SLC30A8: variants seen among roughly 807,000 people sequenced by gnomAD.
SLC30A8 encodes solute carrier family 30 member 8.
In SLC30A8, 27 loss-of-function variants were observed where a neutral mutation model predicts 36.9. The observed-to-expected ratio is 0.73, with a 90% CI of 0.54 to 1.01. The LOEUF (loss-of-function observed/expected upper bound fraction) is 1.01. Ranked by LOEUF, SLC30A8 falls within the 50% of genes least tolerant of loss-of-function variation. The pLI is 0.00. For synonymous variants in SLC30A8, 164 were observed against 172.4 expected, an observed-to-expected ratio of 0.95 and a Z score of 0.38; for missense variants, 439 against 452.0, an observed-to-expected ratio of 0.97 and a Z score of 0.26.
chr8:117,150,090 C>T (rs2130975474), intron 2 of SLC30A8, among the ~76,000 whole-genome samples: 1 of 152,260 alleles, frequency 6.6e-6, no homozygotes, highest in African/African-American at 2.4e-5. Context: ...TTCTTATCGA[C>T]ATTATAAACA....
At chr8:117,054,351 TCAG>T (rs1294354660) in intron 2 of SLC30A8, among the ~76,000 whole-genome samples, 2 of 152,140 alleles carry the variant, frequency 1.3e-5, no homozygotes, top group Non-Finnish European at 1.5e-5. Flanking sequence ...TCCCCTTGTC[TCAG>T]CTTCTCAAAG....
At chr8:116,954,202 T>C (rs1309696627) in intron 1 of SLC30A8, among the ~76,000 whole-genome samples, 2 of 152,046 alleles carry the variant, frequency 1.3e-5, no homozygotes, top group Non-Finnish European at 2.9e-5. Context: ...TTTATGACAG[T>C]AGAGGGCACC....
At chr8:117,019,894 T>C (rs896259689) in intron 1 of SLC30A8, among the ~76,000 whole-genome samples, 1 of 152,164 alleles carries the variant, frequency 6.6e-6, no homozygotes, top group African/African-American at 2.4e-5. Flanking sequence ...GTGTAGCAAG[T>C]GAGGCCCTGG....
intron 2 of SLC30A8, among the ~76,000 whole-genome samples, chr8:117,127,758 T>A (rs1483595044): frequency 5.3e-5 from 8 of 152,032 alleles, no homozygotes; most frequent in Admixed American, 5.2e-4. Context: ...GATAGGTGTT[T>A]CTAATTTTTA....
intron 1 of SLC30A8, among the ~76,000 whole-genome samples, chr8:117,038,741 G>A (rs1234081036): frequency 6.6e-6 from 1 of 152,210 alleles, no homozygotes; most frequent in Non-Finnish European, 1.5e-5. Flanking sequence ...ATGCTTGAGA[G>A]TGTTCGATGC....
At chr8:117,022,104 G>T (rs902094871) in intron 1 of SLC30A8, among the ~76,000 whole-genome samples, 1 of 152,016 alleles carries the variant, frequency 6.6e-6, no homozygotes, top group Non-Finnish European at 1.5e-5. Context: ...GGAGGCTGGG[G>T]CAGGAGAATC....
At chr8:117,000,082 C>G (rs1311689900) in intron 1 of SLC30A8, among the ~76,000 whole-genome samples, 1 of 152,152 alleles carries the variant, frequency 6.6e-6, no homozygotes, top group African/African-American at 2.4e-5. Flanking sequence ...CCACAATTTT[C>G]TTCTCCATTT....
intron 1 of SLC30A8, among the ~76,000 whole-genome samples, chr8:117,003,274 A>C (rs1816073953): frequency 6.6e-6 from 1 of 152,174 alleles, no homozygotes; most frequent in South Asian, 2.1e-4. Context: ...TATTGTCAAC[A>C]CGTATGTAAT....
At chr8:117,035,362 C>T (rs536002634) in intron 1 of SLC30A8, among the ~76,000 whole-genome samples, 17 of 152,368 alleles carry the variant, frequency 1.1e-4, no homozygotes, top group African/African-American at 3.1e-4. Flanking sequence ...CTGTAGGCCC[C>T]ATGCAAGTCT....
At position 117,046,272 on chromosome 8, in the gene SLC30A8, A is replaced by AC. The variant is rs147184506; in HGVS notation, c.-226+7021dup. The stretch of plus-strand genomic sequence containing the variant: ...ATGCTGCTCAGAATTAGAGGGGTGG[A>AC]CCCCCCCACCGCCACAGACAATTTG... On this transcript the variant is annotated intron_variant, in intron 2 of 10. Transcript: ENST00000427715. Among the ~76,000 whole-genome samples, 555 of 151,470 alleles carry AC rather than the reference A, an allele frequency of 3.7e-3. 8 individuals carry two copies. The highest frequency in any genetic ancestry group is 0.013 in the African/African-American group (528 of 41,318).
chr8:117,141,767 C>T (rs1040703920), intron 1 of SLC30A8, among the ~76,000 whole-genome samples: 2 of 152,056 alleles, frequency 1.3e-5, no homozygotes, highest in Non-Finnish European at 2.9e-5. Context: ...TTCTACTCAA[C>T]GTGGTACTGT....
intron 7 of SLC30A8, 127 bp from the exon 8 acceptor site, chr8:117,172,409 T>C (rs939672082): frequency 1.3e-4 from 165 of 1,245,290 alleles, no homozygotes; most frequent in Non-Finnish European, 1.8e-4. Flanking sequence ...CAAACGTGGC[T>C]TCCTCTGAGT....
chr8:117,093,418 A>C (rs1819220682), intron 2 of SLC30A8, among the ~76,000 whole-genome samples: 1 of 151,770 alleles, frequency 6.6e-6, no homozygotes, highest in South Asian at 2.1e-4. Flanking sequence ...CATTCACCTT[A>C]CTGGGTTGGT....
chr8:117,054,684 A>G (rs1817813322), intron 2 of SLC30A8, among the ~76,000 whole-genome samples: 1 of 146,326 alleles, frequency 6.8e-6, no homozygotes, highest in Non-Finnish European at 1.5e-5. Flanking sequence ...TGTCAGAGGT[A>G]TGTAGAATAT....
At chr8:117,131,564 G>A (rs1370891259), upstream of SLC30A8, among the ~76,000 whole-genome samples, 5 of 151,664 alleles carry the variant, frequency 3.3e-5, no homozygotes, top group East Asian at 7.8e-4. Flanking sequence ...GAGTCCAGAG[G>A]GTTTGAGAGA....
intron 1 of SLC30A8, among the ~76,000 whole-genome samples, chr8:117,020,969 A>G (rs899796707): frequency 6.6e-6 from 1 of 152,166 alleles, no homozygotes; most frequent in African/African-American, 2.4e-5. Context: ...GAAAAGGGAG[A>G]GAAGTAAAAT....
At chr8:117,085,245 A>G (rs1818828961) in intron 2 of SLC30A8, among the ~76,000 whole-genome samples, 1 of 152,154 alleles carries the variant, frequency 6.6e-6, no homozygotes, top group South Asian at 2.1e-4. Flanking sequence ...GGTGGGAAAA[A>G]CTAAAGATTA....
chr8:117,146,625 T>C (rs1459585753), intron 1 of SLC30A8, among the ~76,000 whole-genome samples: 1 of 152,184 alleles, frequency 6.6e-6, no homozygotes, highest in East Asian at 1.9e-4. Context: ...GTCCACAGTC[T>C]TTTTAGAGTG....
At chr8:117,026,583 T>G (rs879781266) in intron 1 of SLC30A8, among the ~76,000 whole-genome samples, 3 of 152,180 alleles carry the variant, frequency 2.0e-5, no homozygotes, top group Non-Finnish European at 2.9e-5. Context: ...TTGCAGTGAT[T>G]CACTGCGGTA....
Sources: gnomAD v4.1 joint callset for allele counts (sites outside exome capture counted in the v4.1 genomes callset) on GRCh38, gnomAD v4.1.1 for gene constraint, MANE v1.5 for transcripts, NCBI Gene and HGNC (gene_info 2026-07-23, HGNC 2026-07-21) for gene names.